RFX3: variants seen among roughly 807,000 people sequenced by gnomAD.
RFX3 encodes the protein transcription factor RFX3.
RFX3 carries 14 observed loss-of-function variants against 98.6 expected under a neutral mutation model. The ratio of observed to expected loss-of-function variants is 0.14; its 90% confidence interval spans 0.09 to 0.22. RFX3 has a LOEUF of 0.22. RFX3 is among the 10% of genes least tolerant of loss of function. The probability of loss-of-function intolerance (pLI) is 1.00; values close to 1 mark genes in which losing one functional copy is unlikely to be tolerated. For missense variants in RFX3, 639 were observed against 926.9 expected (o/e 0.69, Z 4.03); for synonymous variants, 383 against 328.4 (o/e 1.17, Z -1.80).
chr9:3,369,905 C>T (rs1217638599), intron 2 of RFX3, among the ~76,000 whole-genome samples: 1 of 151,880 alleles, frequency 6.6e-6, no homozygotes, highest in African/African-American at 2.4e-5. Flanking sequence ...TCTCCGCTCA[C>T]TGCAAGCTCC....
chr9:3,421,653 ACT>A (rs777042467), intron 1 of RFX3, among the ~76,000 whole-genome samples: 1 of 152,186 alleles, frequency 6.6e-6, no homozygotes, highest in Non-Finnish European at 1.5e-5. Flanking sequence ...AGGTAGTATT[ACT>A]CTGTTTACAG....
rs17728740 is a variant in RFX3, at chr9:3,420,886, T to C, written c.-8-25290A>G. 2,483 of 984,970 alleles carry C rather than the reference T, an allele frequency of 2.5e-3. 82 individuals carry two copies. In the Admixed American group the frequency reaches 0.077, roughly 30 times the overall value. The allele number at this position is 984,970 out of a possible 1,614,324, so 61.0% of individuals were successfully genotyped here. A position where few individuals can be genotyped will look rare whatever the true frequency, so the allele number is the denominator to read the frequency against. On this transcript the variant is annotated intron_variant, in intron 1 of 16. Transcript: ENST00000617270. The stretch of plus-strand genomic sequence containing the variant: ...AGATCCTGATCTGCACAACCAAAGA[T>C]ATCCTTGGGTCAAATCTGAAACCAG...
chr9:3,419,579 G>A (rs906965782), intron 1 of RFX3, among the ~76,000 whole-genome samples: 1 of 152,038 alleles, frequency 6.6e-6, no homozygotes, highest in African/African-American at 2.4e-5. Context: ...TTATCCTGCT[G>A]TACTCTTCTG....
intron 2 of RFX3, among the ~76,000 whole-genome samples, chr9:3,394,210 T>C (rs1587487933): frequency 6.6e-6 from 1 of 152,042 alleles, no homozygotes; most frequent in South Asian, 2.1e-4. Context: ...ATGCCTGTAA[T>C]CCCAGCACTT....
chr9:3,422,873 G>A (rs971787154), intron 1 of RFX3, among the ~76,000 whole-genome samples: 2 of 152,034 alleles, frequency 1.3e-5, no homozygotes, highest in African/African-American at 4.8e-5. Flanking sequence ...ATTACAGTAG[G>A]ATTGCCTATC....
intron 1 of RFX3, among the ~76,000 whole-genome samples, chr9:3,495,725 T>C (rs1851065984): frequency 6.6e-6 from 1 of 152,106 alleles, no homozygotes; most frequent in South Asian, 2.1e-4. Flanking sequence ...AAGCATGTTC[T>C]GTGCCTCTTC....
intron 1 of RFX3, among the ~76,000 whole-genome samples, chr9:3,430,873 T>C (rs1364111408): frequency 6.6e-6 from 1 of 152,090 alleles, no homozygotes; most frequent in Non-Finnish European, 1.5e-5. Flanking sequence ...ATGCATAAAA[T>C]ATATGTAGGT....
At chr9:3,256,970 T>C (rs974331391) in intron 14 of RFX3, 21 bp downstream of exon 14, 1 of 1,608,138 alleles carries the variant, frequency 6.2e-7, no homozygotes, top group African/African-American at 1.3e-5. Flanking sequence ...GAAGAAAGCC[T>C]AGGAAAAACC....
chr9:3,370,562 G>C lies in RFX3; in HGVS notation c.118-23798C>G, dbSNP rs887932008. Reference sequence around the variant, plus strand: ...CTGGGATCGAGGGATGGGGAGGGTAGAGATTGGGACGAGCCAGAGGAAAGT... The same window carrying C: ...CTGGGATCGAGGGATGGGGAGGGTACAGATTGGGACGAGCCAGAGGAAAGT... On this transcript the variant is annotated intron_variant, in intron 2 of 16. Transcript: ENST00000617270. 5.9e-5 allele frequency among the ~76,000 whole-genome samples: 9 copies of C among 152,060 alleles called. No individual in the cohort carries two copies. The South Asian group carries it at 1.9e-3, about 32-fold the overall frequency.
intron 1 of RFX3, among the ~76,000 whole-genome samples, chr9:3,440,166 A>G (rs1280166779): frequency 6.6e-6 from 1 of 152,096 alleles, no homozygotes; most frequent in Non-Finnish European, 1.5e-5. Flanking sequence ...AAGATGAAAA[A>G]TTAAGTATTT....
At chr9:3,492,724 G>A (rs946011248) in intron 1 of RFX3, among the ~76,000 whole-genome samples, 4 of 151,986 alleles carry the variant, frequency 2.6e-5, no homozygotes, top group Non-Finnish European at 4.4e-5. Context: ...GGTGACAAAG[G>A]GTCAGCTCTC....
chr9:3,295,924 TTTAA>T (rs1563879207), intron 5 of RFX3, among the ~76,000 whole-genome samples: 1 of 151,998 alleles, frequency 6.6e-6, no homozygotes, highest in Non-Finnish European at 1.5e-5. Flanking sequence ...TTAAAAAAAT[TTTAA>T]TTAACCAGAA....
chr9:3,460,733 A>G (rs1847611010), intron 1 of RFX3, among the ~76,000 whole-genome samples: 2 of 151,202 alleles, frequency 1.3e-5, no homozygotes, highest in African/African-American at 4.8e-5. Context: ...AGGTAGTTAT[A>G]GGCTACACAT....
At chr9:3,507,695 C>T (rs1261028244) in intron 1 of RFX3, among the ~76,000 whole-genome samples, 1 of 151,930 alleles carries the variant, frequency 6.6e-6, no homozygotes, top group Non-Finnish European at 1.5e-5. Context: ...CTGTACACAT[C>T]CTCCCGTGTA....
chr9:3,465,006 A>T (rs1256080696), intron 1 of RFX3, among the ~76,000 whole-genome samples: 2 of 152,190 alleles, frequency 1.3e-5, no homozygotes, highest in Non-Finnish European at 2.9e-5. Flanking sequence ...TATATTCACA[A>T]GCAAACAATA....
At chr9:3,411,719 G>A (rs868172781) in intron 1 of RFX3, among the ~76,000 whole-genome samples, 1 of 151,576 alleles carries the variant, frequency 6.6e-6, no homozygotes, top group Non-Finnish European at 1.5e-5. Flanking sequence ...TAGAACTCTG[G>A]ACCTAAAGTG....
At chr9:3,245,819 C>G (rs1247739010) in intron 15 of RFX3, among the ~76,000 whole-genome samples, 1 of 152,040 alleles carries the variant, frequency 6.6e-6, no homozygotes, top group East Asian at 1.9e-4. Flanking sequence ...GTATGGATTT[C>G]AATGGATTTT....
intron 2 of RFX3, among the ~76,000 whole-genome samples, chr9:3,347,784 C>T (rs1279897339): frequency 6.6e-6 from 1 of 152,070 alleles, no homozygotes; most frequent in Admixed American, 6.6e-5. Context: ...CGAGACTGTG[C>T]CATTGCACTC....
intron 3 of RFX3, among the ~76,000 whole-genome samples, chr9:3,339,851 C>A (rs531406357): frequency 3.4e-4 from 51 of 152,150 alleles, no homozygotes; most frequent in Admixed American, 2.0e-3. Flanking sequence ...AGATTCAATG[C>A]CATCACCATC....
Sources: allele counts gnomAD v4.1 joint callset (sites outside exome capture counted in the v4.1 genomes callset), GRCh38; gene constraint gnomAD v4.1.1; transcripts MANE v1.5; gene names NCBI Gene and HGNC (gene_info 2026-07-23, HGNC 2026-07-21).